Variants in ASAP2 observed in about 807,000 individuals in gnomAD.
ASAP2 encodes the protein arf-GAP with SH3 domain, ANK repeat and PH domain-containing protein 2.
ASAP2 carries 45 observed loss-of-function variants against 131.4 expected under a neutral mutation model. The observed-to-expected ratio is 0.34, with a 90% confidence interval of 0.27 to 0.44. ASAP2 has a LOEUF of 0.44. Ranked by LOEUF, ASAP2 falls within the 20% of genes least tolerant of loss-of-function variation. The pLI is 1.00. For synonymous variants in ASAP2, 510 were observed against 503.0 expected (o/e 1.01, Z -0.19); for missense variants, 1,011 against 1,297.0 (o/e 0.78, Z 3.39).
At chr2:9,400,902 G>C in intron 26 of ASAP2, 72 bp downstream of exon 26, 3 of 1,438,230 alleles carry the variant, frequency 2.1e-6, no homozygotes, top group Non-Finnish European at 2.9e-6. Context: ...CAAGGGCTCA[G>C]GGGAAGCAAG....
At chr2:9,365,456 G>A (rs1673398748) in intron 15 of ASAP2, among the ~76,000 whole-genome samples, 1 of 152,210 alleles carries the variant, frequency 6.6e-6, no homozygotes, top group African/African-American at 2.4e-5. Flanking sequence ...CTTCCTCATG[G>A]AGACATGAAA....
chr2:9,255,586 C>G, intron 1 of ASAP2, among the ~76,000 whole-genome samples: 1 of 152,148 alleles, frequency 6.6e-6, no homozygotes, highest in East Asian at 1.9e-4. Flanking sequence ...GCCGTGGATT[C>G]GGCAGATGGT....
rs185765616 is a variant in ASAP2, at chr2:9,404,330, C to T, written c.*1003C>T. On this transcript the variant is annotated 3_prime_UTR_variant, in exon 28 of 28. Coordinates refer to ENST00000281419, the MANE Select transcript of ASAP2 (RefSeq NM_003887.3). ...CACACTGTCTTGAAATTGAATCTGTCCATCTGTTTATAATCAAGAACATAT... is the reference window on the plus strand; with the variant it reads ...CACACTGTCTTGAAATTGAATCTGTTCATCTGTTTATAATCAAGAACATAT... 4.3e-4 allele frequency: 66 copies of T among 152,318 alleles called. No homozygotes were observed. The highest frequency in any genetic ancestry group is 1.3e-4 in the Non-Finnish European group (9 of 68,026). The allele number at this position is 152,318 out of a possible 1,614,324, so 9.4% of individuals were successfully genotyped here.
intron 1 of ASAP2, among the ~76,000 whole-genome samples, chr2:9,263,486 CTT>C (rs1398459181): frequency 6.6e-6 from 1 of 152,198 alleles, no homozygotes; most frequent in Non-Finnish European, 1.5e-5. Flanking sequence ...GTCTCTAGGA[CTT>C]TTCTTCCCCC....
intron 1 of ASAP2, among the ~76,000 whole-genome samples, chr2:9,220,320 T>C (rs1353422317): frequency 1.3e-5 from 2 of 152,230 alleles, no homozygotes; most frequent in Non-Finnish European, 2.9e-5. Flanking sequence ...CCAAAGAGGC[T>C]GCACCACTTG....
chr2:9,401,308 A>G lies in ASAP2; in HGVS notation c.2858A>G (p.Tyr953Cys), dbSNP rs746884992. 3 of 1,613,602 alleles carry G rather than the reference A, an allele frequency of 1.9e-6. No individual in the cohort carries two copies. Among genetic ancestry groups the G allele is most frequent in the Non-Finnish European group, 8.5e-7 (1 of 1,179,936 alleles). Residue 953 changes from tyrosine to cysteine, a missense_variant, in exon 27 of 28, where the codon TAT (tyrosine) becomes TGT (cysteine). This residue lies in a region of ASAP2 where 652 missense variants were observed against 698.9 expected (regional missense o/e 0.93). Coordinates refer to ENST00000281419, the MANE Select transcript of ASAP2 (RefSeq NM_003887.3). The part of the protein sequence containing the change: ...KLKPKRVKAL[Y>C]NCVADNPDEL... Reference sequence around the variant, plus strand: ...AAGCCTAAGCGGGTGAAAGCGCTCTATAACTGTGTGGCTGACAACCCCGAT... The same window carrying G: ...AAGCCTAAGCGGGTGAAAGCGCTCTGTAACTGTGTGGCTGACAACCCCGAT...
At chr2:9,318,449 C>G in intron 3 of ASAP2, 75 bp from the exon 4 acceptor site, 2 of 1,095,954 alleles carry the variant, frequency 1.8e-6, no homozygotes, top group Non-Finnish European at 1.4e-6. Context: ...AATGTTCTCT[C>G]TAATGTCCTT....
chr2:9,274,238 T>G (rs1265916038), intron 1 of ASAP2, among the ~76,000 whole-genome samples: 2 of 152,168 alleles, frequency 1.3e-5, no homozygotes, highest in Admixed American at 6.5e-5. Context: ...CCTTTATTTC[T>G]TTCTCTTGTC....
intron 1 of ASAP2, among the ~76,000 whole-genome samples, chr2:9,262,327 T>C (rs1390631293): frequency 2.0e-5 from 3 of 152,204 alleles, no homozygotes; most frequent in Non-Finnish European, 4.4e-5. Flanking sequence ...CAGCGTCTTC[T>C]TAACGGCCAC....
chr2:9,354,887 G>A (rs917011128), intron 12 of ASAP2, among the ~76,000 whole-genome samples: 5 of 152,190 alleles, frequency 3.3e-5, no homozygotes, highest in Admixed American at 6.5e-5. Flanking sequence ...ACAGATGTTC[G>A]TTGTGTTTCC....
In ASAP2 at chr2:9,245,215, G is replaced by A. The variant is rs182102479; in HGVS notation, c.127-34102G>A. ...GGGCTCCTCCCACACAGGAGCTTCT[G>A]GTTTGAGAACCACAGCTAGCAATGG... is the stretch of plus-strand genomic sequence containing the variant. On this transcript the variant is annotated intron_variant, in intron 1 of 27. Transcript: ENST00000281419. Among the ~76,000 whole-genome samples, 17 of 152,298 alleles carry A rather than the reference G, an allele frequency of 1.1e-4. No homozygotes were observed. In the South Asian group the frequency reaches 3.1e-3, roughly 28 times the overall value.
At chr2:9,242,495 T>C (rs1664042791) in intron 1 of ASAP2, among the ~76,000 whole-genome samples, 2 of 152,262 alleles carry the variant, frequency 1.3e-5, no homozygotes, top group Admixed American at 1.3e-4. Flanking sequence ...TGTGTCTAGC[T>C]TGACAGGGAT....
At chr2:9,224,465 C>T (rs1406492019) in intron 1 of ASAP2, among the ~76,000 whole-genome samples, 4 of 152,178 alleles carry the variant, frequency 2.6e-5, no homozygotes, top group Non-Finnish European at 5.9e-5. Context: ...TTTGTGATTT[C>T]ATACCTTTTT....
intron 5 of ASAP2, 122 bp from the exon 6 acceptor site, chr2:9,322,999 C>A: frequency 1.7e-6 from 2 of 1,195,884 alleles, no homozygotes; most frequent in Non-Finnish European, 2.4e-6. Context: ...TGAGAGGCTG[C>A]CTGTGCTGAA....
At chr2:9,233,750 T>C (rs971427637) in intron 1 of ASAP2, among the ~76,000 whole-genome samples, 2 of 152,184 alleles carry the variant, frequency 1.3e-5, no homozygotes, top group Non-Finnish European at 2.9e-5. Context: ...GCTTAACACA[T>C]GTTAAATGGA....
At chr2:9,294,094 G>A (rs998526415) in intron 2 of ASAP2, among the ~76,000 whole-genome samples, 47 of 151,646 alleles carry the variant, frequency 3.1e-4, no homozygotes, top group African/African-American at 1.0e-3. Flanking sequence ...CGCTTTCTAG[G>A]TTCAAGTGAT....
At chr2:9,208,688 A>G (rs1421406571) in intron 1 of ASAP2, among the ~76,000 whole-genome samples, 1 of 152,236 alleles carries the variant, frequency 6.6e-6, no homozygotes, top group Admixed American at 6.5e-5. Context: ...TTTTAGCAGC[A>G]AGGCTTACAG....
chr2:9,296,417 G>A (rs775896935), intron 2 of ASAP2, among the ~76,000 whole-genome samples: 14 of 152,188 alleles, frequency 9.2e-5, no homozygotes, highest in Non-Finnish European at 1.6e-4. Flanking sequence ...TGCATTTGGC[G>A]TCCAGCAGGG....
intron 6 of ASAP2, among the ~76,000 whole-genome samples, chr2:9,325,357 T>C (rs994015132): frequency 6.6e-6 from 1 of 152,230 alleles, no homozygotes; most frequent in African/African-American, 2.4e-5. Context: ...TTGTTTTTGT[T>C]TTTCTCAATC....
Sources: allele counts gnomAD v4.1 joint callset (sites outside exome capture counted in the v4.1 genomes callset), GRCh38; gene constraint gnomAD v4.1.1; regional missense constraint gnomAD v4.1.1; transcripts MANE v1.5; gene names NCBI Gene and HGNC (gene_info 2026-07-23, HGNC 2026-07-21).